Variants in SLC66A2 observed in about 807,000 individuals in gnomAD.
SLC66A2 encodes the protein PQ loop repeat containing 1.
Under a neutral mutation model 25.5 loss-of-function variants are expected in SLC66A2, and 23 were observed. That is an observed-to-expected ratio of 0.90 (90% CI 0.65 to 1.28). The LOEUF is 1.28. Ranked by LOEUF, SLC66A2 falls within the 50% of genes most tolerant of loss-of-function variation. The probability of loss-of-function intolerance (pLI) is 0.00; values close to 1 mark genes in which losing one functional copy is unlikely to be tolerated. For synonymous variants in SLC66A2, 193 were observed against 166.5 expected (o/e 1.16, Z -1.23); for missense variants, 396 against 373.1 (o/e 1.06, Z -0.51).
chr18:79,908,878 C>T (rs772332363), intron 5 of SLC66A2, among the ~76,000 whole-genome samples: 2 of 152,166 alleles, frequency 1.3e-5, no homozygotes, highest in South Asian at 2.1e-4. Flanking sequence ...TGGAGATGTT[C>T]GGTCTTCCCG....
chr18:79,945,890 A>G (rs780767424), intron 2 of SLC66A2, among the ~76,000 whole-genome samples: 2 of 152,212 alleles, frequency 1.3e-5, no homozygotes, highest in Non-Finnish European at 2.9e-5. Flanking sequence ...ACCCACCCAC[A>G]GAGACCTGAG....
intron 2 of SLC66A2, 178 bp from the exon 3 acceptor site, chr18:79,943,640 C>A: frequency 1.5e-6 from 1 of 666,806 alleles, no homozygotes; most frequent in Non-Finnish European, 2.4e-6. Flanking sequence ...CTCTCCCAGT[C>A]CCGAACCTGC....
chr18:79,924,404 C>T (rs912078198), intron 4 of SLC66A2, among the ~76,000 whole-genome samples: 1 of 152,248 alleles, frequency 6.6e-6, no homozygotes, highest in African/African-American at 2.4e-5. Context: ...GCAGACGAGC[C>T]GCCGTCGGGG....
chr18:79,943,052 G>A (rs540687598), intron 3 of SLC66A2, among the ~76,000 whole-genome samples: 1 of 152,354 alleles, frequency 6.6e-6, no homozygotes, highest in African/African-American at 2.4e-5. Flanking sequence ...CACAGAAAGC[G>A]TCTGGGATGG....
At chr18:79,934,919 C>T (rs1216634896) in intron 3 of SLC66A2, among the ~76,000 whole-genome samples, 1 of 152,166 alleles carries the variant, frequency 6.6e-6, no homozygotes, top group Non-Finnish European at 1.5e-5. Flanking sequence ...GGGTGTTGTT[C>T]CACTCACAAG....
At position 79,903,683 on chromosome 18, in the gene SLC66A2, C is replaced by A; in HGVS notation, c.*293G>T. On this transcript the variant is annotated 3_prime_UTR_variant, in exon 6 of 6. Coordinates refer to ENST00000397778, the MANE Select transcript of SLC66A2 (RefSeq NM_025078.5). ...GCCCAATGTGTACCTTGGGCTCAGA[C>A]GGTGTTTCATAAGAGGAAATGGGGA... The A allele has an allele frequency of 7.2e-6, 3 of 417,492 alleles. No individual in the cohort carries two copies. The highest frequency in any genetic ancestry group is 1.2e-5 in the Non-Finnish European group (3 of 242,418). 25.9% of individuals were successfully genotyped at this position (417,492 alleles called of 1,614,324 possible).
intron 3 of SLC66A2, among the ~76,000 whole-genome samples, chr18:79,935,164 G>T (rs995490146): frequency 8.5e-5 from 13 of 152,164 alleles, no homozygotes; most frequent in Admixed American, 2.6e-4. Flanking sequence ...AGGCAGGACT[G>T]CTCAGTCCAC....
intron 4 of SLC66A2, among the ~76,000 whole-genome samples, chr18:79,922,289 A>G (rs567630439): frequency 1.3e-5 from 2 of 151,740 alleles, no homozygotes; most frequent in Non-Finnish European, 2.9e-5. Context: ...AAAGAAAAAA[A>G]AAAAAAAAAA....
rs1367008065 is a variant in SLC66A2, at chr18:79,902,991, CCAGGGCAG to C, written c.*977_*984del. The stretch of plus-strand genomic sequence containing the variant: ...CAGGAATTTGCTTCAGGCCAAAAGC[CCAGGGCAG>C]CAGGGTAAGGCGCCATCGGCCAGGA... On this transcript the variant is annotated 3_prime_UTR_variant, in exon 6 of 6. Transcript: ENST00000397778. 11 of 153,296 alleles carry C rather than the reference CCAGGGCAG, an allele frequency of 7.2e-5. No homozygotes were observed. Among genetic ancestry groups the C allele is most frequent in the African/African-American group, 2.7e-4 (11 of 41,474 alleles). The allele number at this position is 153,296 out of a possible 1,614,324, so 9.5% of individuals were successfully genotyped here.
rs368500023 is a variant in SLC66A2 at position 79,918,472 on chromosome 18, A to C, written c.608+712T>G. On this transcript the variant is annotated intron_variant, in intron 5 of 5. Transcript: ENST00000397778. This position sits in a 1 kb window ranked among gnomAD's most constrained non-coding sequence, Gnocchi z 4.0. ...GCACCGGGGAGGGTCCCCAGTGAGG[A>C]GCGGCACCGGGGGGTCCCCAGTGAG... Among the ~76,000 whole-genome samples, 13 of 142,728 alleles carry C rather than the reference A, an allele frequency of 9.1e-5. No individual in the cohort carries two copies. In the South Asian group the frequency reaches 3.0e-3, roughly 33 times the overall value. The allele number at this position is 142,728 out of a possible 152,430, so 93.6% of individuals were successfully genotyped here.
chr18:79,950,951 G>A lies in SLC66A2; in HGVS notation c.-25C>T. ...TCGCAGCGCCCGCCTGGCCGAGGCTGTCACGGGCTCCGCGCCCCGCGGGCC... is the reference window on the plus strand; with the variant it reads ...TCGCAGCGCCCGCCTGGCCGAGGCTATCACGGGCTCCGCGCCCCGCGGGCC... On this transcript the variant is annotated 5_prime_UTR_variant, in exon 2 of 6. Transcript: ENST00000397778. 2 of 1,495,654 alleles carry A rather than the reference G, an allele frequency of 1.3e-6. No homozygotes were observed. Among genetic ancestry groups the A allele is most frequent in the South Asian group, 2.5e-5 (2 of 79,780 alleles). 92.6% of individuals were successfully genotyped at this position (1,495,654 alleles called of 1,614,324 possible).
chr18:79,938,912 G>A (rs971973149), intron 3 of SLC66A2, among the ~76,000 whole-genome samples: 1 of 152,184 alleles, frequency 6.6e-6, no homozygotes, highest in East Asian at 1.9e-4. Context: ...TCCCGACCTC[G>A]TGATCCGCCC....
In SLC66A2 at chr18:79,937,096, C is replaced by CA. The variant is rs903183845; in HGVS notation, c.338-3075dup. On this transcript the variant is annotated intron_variant, in intron 3 of 5. Transcript: ENST00000397778. The surrounding 1 kb of genome is among the most constrained non-coding windows in gnomAD (Gnocchi z 5.4). Reference sequence around the variant, plus strand: ...CCACTCATGAAGTATTTCACCTCACCAAAAAAAACTCCCTAGCTCCATCCA... The same window carrying CA: ...CCACTCATGAAGTATTTCACCTCACCAAAAAAAAACTCCCTAGCTCCATCCA... 4.6e-5 allele frequency among the ~76,000 whole-genome samples: 7 copies of CA among 151,886 alleles called. No individual in the cohort carries two copies. Among genetic ancestry groups the CA allele is most frequent in the East Asian group, 3.9e-4 (2 of 5,172 alleles).
rs181096266 is a variant in SLC66A2 at position 79,915,222 on chromosome 18, C to T, written c.608+3962G>A. 9.7e-4 allele frequency among the ~76,000 whole-genome samples: 147 copies of T among 152,244 alleles called. 1 individual carries two copies. Among genetic ancestry groups the T allele is most frequent in the African/African-American group, 3.3e-3 (138 of 41,544 alleles). The stretch of plus-strand genomic sequence containing the variant: ...ACCGCCCGATGGTCACTCTTAAAAG[C>T]GCAGACCGGATGAACTGGGCCTGGG... On this transcript the variant is annotated intron_variant, in intron 5 of 5. Coordinates refer to ENST00000397778, the MANE Select transcript of SLC66A2 (RefSeq NM_025078.5).
intron 3 of SLC66A2, among the ~76,000 whole-genome samples, chr18:79,939,738 G>A (rs1000142429): frequency 2.8e-5 from 4 of 144,968 alleles, no homozygotes; most frequent in African/African-American, 9.9e-5. Flanking sequence ...GATGCTGGTG[G>A]GGTTGTGAAG....
At chr18:79,916,878 C>A (rs1199730293) in intron 5 of SLC66A2, among the ~76,000 whole-genome samples, 1 of 152,274 alleles carries the variant, frequency 6.6e-6, no homozygotes, top group Non-Finnish European at 1.5e-5. Context: ...GGAACCCTAA[C>A]ATGGCCCAGA....
intron 5 of SLC66A2, among the ~76,000 whole-genome samples, chr18:79,905,539 G>A (rs1981994081): frequency 6.6e-6 from 1 of 152,258 alleles, no homozygotes; most frequent in Non-Finnish European, 1.5e-5. Flanking sequence ...CACAGCCCCG[G>A]TGCAAAGGCG....
Position 79,951,344 on chromosome 18 carries a change from G to A in SLC66A2, c.-100+237C>T, listed in dbSNP as rs1450046905. Among the ~76,000 whole-genome samples the A allele has an allele frequency of 9.3e-5, 14 of 151,258 alleles. No individual in the cohort carries two copies. The East Asian group carries it at 1.4e-3, about 15-fold the overall frequency. On this transcript the variant is annotated intron_variant, in intron 1 of 5. Coordinates refer to ENST00000397778, the MANE Select transcript of SLC66A2 (RefSeq NM_025078.5). ...GTGGGGGAGGGGGCGCAGGGCCCAG[G>A]ATCGGGGCGCACTGTTCGGGGGAGG...
rs995791252 is a variant in SLC66A2 at position 79,940,977 on chromosome 18, C to G, written c.337+2352G>C. Among the ~76,000 whole-genome samples the G allele has an allele frequency of 6.6e-6, 1 of 152,082 alleles. No homozygotes were observed. The highest frequency in any genetic ancestry group is 1.5e-5 in the Non-Finnish European group (1 of 68,006). On this transcript the variant is annotated intron_variant, in intron 3 of 5. Transcript: ENST00000397778. This position sits in a 1 kb window ranked among gnomAD's most constrained non-coding sequence, Gnocchi z 4.1. ...GTCACCCAGGCTGACCCCAGGAGCC[C>G]GGCCCCCTACCCCTCGTGGCGGCCC...
Sources: allele counts gnomAD v4.1 joint callset (sites outside exome capture counted in the v4.1 genomes callset), GRCh38; gene constraint gnomAD v4.1.1; non-coding constraint Gnocchi (gnomAD v3.1); transcripts MANE v1.5; gene names NCBI Gene and HGNC (gene_info 2026-07-23, HGNC 2026-07-21).